EPB41L4B: variants seen among roughly 807,000 people sequenced by gnomAD.
EPB41L4B encodes the protein band 4.1-like protein 4B.
In EPB41L4B, 30 loss-of-function variants were observed where a neutral mutation model predicts 112.5. That is an observed-to-expected ratio of 0.27 (90% confidence interval 0.20 to 0.36). The LOEUF (loss-of-function observed/expected upper bound fraction) is 0.36. Ranked by LOEUF, EPB41L4B falls within the 10% of genes least tolerant of loss-of-function variation. The pLI, the probability that EPB41L4B is intolerant of heterozygous loss-of-function variation, is 1.00. For missense variants in EPB41L4B, 1,024 were observed against 1,133.3 expected (o/e 0.90, Z 1.38); for synonymous variants, 408 against 439.7 (o/e 0.93, Z 0.90).
At chr9:109,216,684 G>T (rs193109261) in intron 16 of EPB41L4B, among the ~76,000 whole-genome samples, 3 of 151,940 alleles carry the variant, frequency 2.0e-5, no homozygotes, top group African/African-American at 7.2e-5. Context: ...AAGAAAGGAG[G>T]TGGAGAACTG....
At chr9:109,176,223 G>A (rs944934412) in intron 25 of EPB41L4B, among the ~76,000 whole-genome samples, 1 of 151,902 alleles carries the variant, frequency 6.6e-6, no homozygotes, top group African/African-American at 2.4e-5. Flanking sequence ...CACCTACTGG[G>A]TTCAAGTGAT....
chr9:109,261,603 T>C (rs1410903011), intron 6 of EPB41L4B, among the ~76,000 whole-genome samples: 1 of 152,110 alleles, frequency 6.6e-6, no homozygotes, highest in Non-Finnish European at 1.5e-5. Context: ...AAAATACACA[T>C]ACTAAAAATA....
chr9:109,268,896 C>A (rs75748394), intron 2 of EPB41L4B, among the ~76,000 whole-genome samples: 187 of 106,646 alleles, frequency 1.8e-3, no homozygotes, highest in South Asian at 2.5e-3. Context: ...AACTCCGTCT[C>A]AAAAAAAAAA....
chr9:109,275,914 C>G (rs902487933), intron 2 of EPB41L4B, among the ~76,000 whole-genome samples: 1 of 151,864 alleles, frequency 6.6e-6, no homozygotes, highest in African/African-American at 2.4e-5. Context: ...TTGACAAATG[C>G]CTCTCCCTCA....
At position 109,235,390 on chromosome 9, in the gene EPB41L4B, C is replaced by CTTTT. The variant is rs758330838; in HGVS notation, c.1409+8224_1409+8227dup. ...TAGAAATACCATTTCTTCAGCTAGACTTTTTTTTTTTTTTTTTTTTTTTTA... is the reference window on the plus strand; with the variant it reads ...TAGAAATACCATTTCTTCAGCTAGACTTTTTTTTTTTTTTTTTTTTTTTTTTTTA... On this transcript the variant is annotated intron_variant, in intron 15 of 25. Transcript: ENST00000374566. Among the ~76,000 whole-genome samples the CTTTT allele has an allele frequency of 3.7e-3, 321 of 87,216 alleles. 16 individuals carry two copies. The South Asian group carries it at 0.054, about 15-fold the overall frequency. The allele number at this position is 87,216 out of a possible 152,430, so 57.2% of individuals were successfully genotyped here.
rs377451215 is a variant in EPB41L4B, at chr9:109,255,561, G to C, written c.1119C>G (p.Ser373Arg). 2.0e-5 allele frequency: 32 copies of C among 1,614,112 alleles called. No homozygotes were observed. Among genetic ancestry groups the C allele is most frequent in the African/African-American group, 5.3e-5 (4 of 74,934 alleles). ...AFFRLRTPGN[S>R]KSNRSDFIRL... ...TGATAAAGTCGGATCTATTGGATTT[G>C]CTGTTTCCTGGCGTCCGCAGTCGGA... is the stretch of plus-strand genomic sequence containing the variant. Residue 373 changes from serine (S) to arginine (R), a missense_variant, in exon 11 of 26, where the codon AGC (serine) becomes AGG (arginine). Ser to Arg is a moderately radical substitution (Grantham distance 110). Coordinates refer to ENST00000374566, the MANE Select transcript of EPB41L4B (RefSeq NM_019114.5).
At chr9:109,204,562 G>A (rs1832934305) in intron 18 of EPB41L4B, among the ~76,000 whole-genome samples, 1 of 152,166 alleles carries the variant, frequency 6.6e-6, no homozygotes, top group Admixed American at 6.5e-5. Flanking sequence ...CACGATCATG[G>A]CTCACTGCGG....
intron 1 of EPB41L4B, among the ~76,000 whole-genome samples, chr9:109,291,002 G>C (rs1322621994): frequency 6.6e-6 from 1 of 152,194 alleles, no homozygotes; most frequent in Non-Finnish European, 1.5e-5. Context: ...ATGCAGAAGT[G>C]TCCATGGTCT....
In EPB41L4B at chr9:109,274,878, CTG is replaced by C. The variant is rs140316021; in HGVS notation, c.411+4937_411+4938del. 6.2e-4 allele frequency among the ~76,000 whole-genome samples: 94 copies of C among 152,338 alleles called. No homozygotes were observed. In the East Asian group the frequency reaches 0.015, roughly 24 times the overall value. On this transcript the variant is annotated intron_variant, in intron 2 of 25. Coordinates refer to ENST00000374566, the MANE Select transcript of EPB41L4B (RefSeq NM_019114.5). ...AATATTAAACAAGAGTTCACAAAGA[CTG>C]TAGTTCAGTGCTGGGCTCAGGGCGA...
intron 15 of EPB41L4B, among the ~76,000 whole-genome samples, chr9:109,225,994 A>G (rs1833746374): frequency 6.6e-6 from 1 of 152,328 alleles, no homozygotes. Flanking sequence ...ATTGTGAAGT[A>G]AAGTCCTAAC....
At chr9:109,182,822 G>A (rs910796735) in intron 23 of EPB41L4B, 25 bp from the exon 24 acceptor site, 8 of 1,535,568 alleles carry the variant, frequency 5.2e-6, no homozygotes, top group Non-Finnish European at 6.3e-6. Flanking sequence ...AAGACAAGGG[G>A]GTTACCTTCA....
intron 15 of EPB41L4B, chr9:109,239,941 T>C: frequency 1.0e-6 from 1 of 985,332 alleles, no homozygotes; most frequent in Non-Finnish European, 1.2e-6. Context: ...TTCACCAGAG[T>C]TGCCCCAGAT....
intron 15 of EPB41L4B, among the ~76,000 whole-genome samples, chr9:109,242,061 T>C (rs548676561): frequency 6.6e-6 from 1 of 152,222 alleles, no homozygotes; most frequent in Non-Finnish European, 1.5e-5. Context: ...GGGTGTCTCA[T>C]GGGTCAAGTC....
At chr9:109,218,719 T>C (rs547865089) in intron 15 of EPB41L4B, among the ~76,000 whole-genome samples, 1 of 152,220 alleles carries the variant, frequency 6.6e-6, no homozygotes, top group African/African-American at 2.4e-5. Flanking sequence ...CCGATGCCTC[T>C]TACTTCTTGG....
chr9:109,243,779 G>A, intron 14 of EPB41L4B, 97 bp from the exon 15 acceptor site: 2 of 1,220,138 alleles, frequency 1.6e-6, no homozygotes, highest in Non-Finnish European at 2.4e-6. Flanking sequence ...CGAGGGGCTG[G>A]GGGACTAAGA....
At position 109,185,420 on chromosome 9, in the gene EPB41L4B, A is replaced by G. The variant is rs538594052; in HGVS notation, c.2418+69T>C. The G allele has an allele frequency of 8.3e-4, 1,156 of 1,387,826 alleles. 4 individuals carry two copies. Among genetic ancestry groups the G allele is most frequent in the Middle Eastern group, 2.5e-3 (12 of 4,888 alleles). 86.0% of individuals were successfully genotyped at this position (1,387,826 alleles called of 1,614,324 possible). The stretch of plus-strand genomic sequence containing the variant: ...CTTCTGCACGCCCACCCAGGCTTCC[A>G]CCTCGCCTGGTGGCTCCTGCCCACC... On this transcript the variant is annotated intron_variant, in intron 23 of 25. Transcript: ENST00000374566.
At chr9:109,219,193 G>A (rs1228793653) in intron 15 of EPB41L4B, among the ~76,000 whole-genome samples, 1 of 152,152 alleles carries the variant, frequency 6.6e-6, no homozygotes, top group East Asian at 1.9e-4. Flanking sequence ...TCAGAGTCCT[G>A]CATCCTTCTA....
chr9:109,314,436 AAT>A, intron 1 of EPB41L4B, among the ~76,000 whole-genome samples: 1 of 152,202 alleles, frequency 6.6e-6, no homozygotes, highest in East Asian at 1.9e-4. Flanking sequence ...TTAGCAAGTT[AAT>A]ATTTGTTCAG....
chr9:109,220,888 T>C (rs541318307), intron 15 of EPB41L4B, among the ~76,000 whole-genome samples: 1 of 152,230 alleles, frequency 6.6e-6, no homozygotes, highest in South Asian at 2.1e-4. Flanking sequence ...AACCAGAGTA[T>C]CCACCCTCTT....
Sources: allele counts gnomAD v4.1 joint callset (sites outside exome capture counted in the v4.1 genomes callset), GRCh38; gene constraint gnomAD v4.1.1; transcripts MANE v1.5; gene names NCBI Gene and HGNC (gene_info 2026-07-23, HGNC 2026-07-21).